REEP1: variants seen among roughly 807,000 people sequenced by gnomAD.
REEP1 encodes receptor expression-enhancing protein 1.
A neutral mutation model predicts 40.3 loss-of-function variants in REEP1; 22 were observed. The observed-to-expected ratio is 0.55, with a 90% CI of 0.39 to 0.78. The LOEUF (loss-of-function observed/expected upper bound fraction) is 0.78, where lower values mean the gene tolerates loss of function less well. REEP1 is among the 30% of genes least tolerant of loss of function. The probability of loss-of-function intolerance (pLI) is 0.00; values close to 1 mark genes in which losing one functional copy is unlikely to be tolerated. For missense variants in REEP1, 280 were observed against 361.1 expected, an observed-to-expected ratio of 0.78 and a Z score of 1.82; for synonymous variants, 116 against 139.2, an observed-to-expected ratio of 0.83 and a Z score of 1.17.
chr2:86,314,955 A>C (rs774630219), intron 1 of REEP1, among the ~76,000 whole-genome samples: 12 of 151,928 alleles, frequency 7.9e-5, no homozygotes, highest in African/African-American at 1.2e-4. Context: ...CGTCTCCCGA[A>C]GTGCTAGGAT....
At chr2:86,336,194 T>A (rs1187337490) in intron 1 of REEP1, among the ~76,000 whole-genome samples, 4 of 152,126 alleles carry the variant, frequency 2.6e-5, no homozygotes, top group African/African-American at 9.7e-5. Flanking sequence ...CTTCTAAATA[T>A]TTAACATGCC....
At chr2:86,284,656 C>T (rs1678292881) in intron 1 of REEP1, among the ~76,000 whole-genome samples, 1 of 152,206 alleles carries the variant, frequency 6.6e-6, no homozygotes, top group African/African-American at 2.4e-5. Flanking sequence ...GGATGGTTTC[C>T]AGCCCCTGCC....
chr2:86,312,403 G>A (rs1423720062), intron 1 of REEP1, among the ~76,000 whole-genome samples: 1 of 152,200 alleles, frequency 6.6e-6, no homozygotes, highest in East Asian at 1.9e-4. Flanking sequence ...GCTTGCAGAA[G>A]CACTGGACCC....
upstream of REEP1, chr2:86,337,775 C>T (rs1681124887): frequency 2.5e-6 from 2 of 806,298 alleles, no homozygotes; most frequent in African/African-American, 1.8e-5. The surrounding 1 kb of genome is among the most constrained non-coding windows in gnomAD (Gnocchi z 5.8). Flanking sequence ...GGGCCCGCCC[C>T]GTCCCGCTCG....
chr2:86,297,573 A>G (rs1679044940), intron 1 of REEP1: 1 of 348,522 alleles, frequency 2.9e-6, no homozygotes, highest in Non-Finnish European at 4.0e-6. Flanking sequence ...GGTACCTAAA[A>G]GATGCAGGGA....
At chr2:86,248,313 G>C (rs931255658) in intron 5 of REEP1, among the ~76,000 whole-genome samples, 20 of 152,184 alleles carry the variant, frequency 1.3e-4, no homozygotes, top group African/African-American at 4.8e-4. Flanking sequence ...TGTAAGTTGA[G>C]GGTGTTTTGT....
intron 1 of REEP1, among the ~76,000 whole-genome samples, chr2:86,283,468 C>G (rs1678210163): frequency 6.6e-6 from 1 of 152,158 alleles, no homozygotes; most frequent in African/African-American, 2.4e-5. Flanking sequence ...AAGAGCCAGC[C>G]TAGTTACAGA....
intron 7 of REEP1, among the ~76,000 whole-genome samples, chr2:86,220,657 A>G (rs1674365242): frequency 6.6e-6 from 1 of 152,198 alleles, no homozygotes; most frequent in Non-Finnish European, 1.5e-5. Context: ...ATAAAATGCC[A>G]GGAGGCCTTA....
chr2:86,231,130 G>GTCCC (rs1003327515), intron 6 of REEP1, among the ~76,000 whole-genome samples: 5 of 152,178 alleles, frequency 3.3e-5, no homozygotes, highest in African/African-American at 1.2e-4. Context: ...ACCCTGCACA[G>GTCCC]TCCCCTTCTC....
At chr2:86,281,238 G>A (rs1678066816) in intron 2 of REEP1, among the ~76,000 whole-genome samples, 1 of 152,118 alleles carries the variant, frequency 6.6e-6, no homozygotes, top group African/African-American at 2.4e-5. Flanking sequence ...TGGTGACTAG[G>A]GCACCCAGAT....
In REEP1 at chr2:86,220,141, C is replaced by A. The variant is rs1674338237; in HGVS notation, c.632-20G>T. On this transcript the variant is annotated intron_variant, in intron 7 of 8. Coordinates refer to ENST00000538924, the MANE Select transcript of REEP1 (RefSeq NM_001371279.1). ...CAACCACTTAATGTCCATTTACAATCTACACAGATGAGACAAGGTATAGCA... is the reference window on the plus strand; with the variant it reads ...CAACCACTTAATGTCCATTTACAATATACACAGATGAGACAAGGTATAGCA... 4.1e-6 allele frequency: 5 copies of A among 1,230,900 alleles called. No individual in the cohort carries two copies. In the East Asian group the frequency reaches 9.5e-5, roughly 23 times the overall value. 76.2% of individuals were successfully genotyped at this position (1,230,900 alleles called of 1,614,324 possible). A position where few individuals can be genotyped will look rare whatever the true frequency, so the allele number is the denominator to read the frequency against.
At chr2:86,278,555 G>A (rs1174518330) in intron 2 of REEP1, among the ~76,000 whole-genome samples, 1 of 152,214 alleles carries the variant, frequency 6.6e-6, no homozygotes, top group African/African-American at 2.4e-5. Context: ...GTTTGGGGTA[G>A]CCTAAGAGGC....
At chr2:86,337,787 C>T, upstream of REEP1, 1 of 824,778 alleles carries the variant, frequency 1.2e-6, no homozygotes. This position sits in a 1 kb window ranked among gnomAD's most constrained non-coding sequence, Gnocchi z 5.8. Flanking sequence ...TCCCGCTCGC[C>T]CTGGCCCCCG....
At chr2:86,272,392 A>C (rs1454948724) in intron 2 of REEP1, among the ~76,000 whole-genome samples, 1 of 152,160 alleles carries the variant, frequency 6.6e-6, no homozygotes, top group Non-Finnish European at 1.5e-5. Context: ...AACATACTTC[A>C]AGGAAGTGTA....
intron 1 of REEP1, among the ~76,000 whole-genome samples, chr2:86,307,874 CAAAT>C (rs543157707): frequency 1.5e-3 from 223 of 152,146 alleles, no homozygotes; most frequent in South Asian, 4.6e-3. Flanking sequence ...ATTAAGTTGA[CAAAT>C]AGAAAACTAG....
chr2:86,276,579 G>C (rs746747515), intron 2 of REEP1, among the ~76,000 whole-genome samples: 1 of 152,214 alleles, frequency 6.6e-6, no homozygotes, highest in East Asian at 1.9e-4. Flanking sequence ...TGGCATTGGA[G>C]GGTTCCGAAA....
At chr2:86,282,573 A>C (rs1558912669) in intron 1 of REEP1, among the ~76,000 whole-genome samples, 1 of 151,460 alleles carries the variant, frequency 6.6e-6, no homozygotes, top group Non-Finnish European at 1.5e-5. Flanking sequence ...CCTGCTGCTA[A>C]CCCCCCTCTG....
At chr2:86,315,943 A>G (rs1327896746) in intron 1 of REEP1, among the ~76,000 whole-genome samples, 2 of 152,170 alleles carry the variant, frequency 1.3e-5, no homozygotes. Context: ...TGTCTCCCAT[A>G]GGAGATGCTC....
At chr2:86,224,085 G>A (rs973665320) in intron 7 of REEP1, among the ~76,000 whole-genome samples, 1 of 152,110 alleles carries the variant, frequency 6.6e-6, no homozygotes, top group African/African-American at 2.4e-5. Context: ...GGGCCTCTAA[G>A]CTCTGTCACT....
Sources: allele counts gnomAD v4.1 joint callset (sites outside exome capture counted in the v4.1 genomes callset), GRCh38; gene constraint gnomAD v4.1.1; non-coding constraint Gnocchi (gnomAD v3.1); transcripts MANE v1.5; gene names NCBI Gene and HGNC (gene_info 2026-07-23, HGNC 2026-07-21).